The following GRXCR1 variants were observed in gnomAD, a reference collection of about 807,000 sequenced individuals.
GRXCR1 encodes the protein glutaredoxin domain-containing cysteine-rich protein 1.
In GRXCR1, 27 loss-of-function variants were observed where a neutral mutation model predicts 27.3. The ratio of observed to expected loss-of-function variants is 0.99; its 90% CI spans 0.73 to 1.37. The LOEUF (loss-of-function observed/expected upper bound fraction) is 1.37. Ranked by LOEUF, GRXCR1 falls within the 40% of genes most tolerant of loss-of-function variation. The pLI is 0.00. For synonymous variants in GRXCR1, 122 were observed against 131.1 expected, an observed-to-expected ratio of 0.93 and a Z score of 0.47; for missense variants, 379 against 354.4, an observed-to-expected ratio of 1.07 and a Z score of -0.56.
intron 1 of GRXCR1, among the ~76,000 whole-genome samples, chr4:42,944,706 A>AG (rs1385910977): frequency 6.6e-6 from 1 of 152,136 alleles, no homozygotes; most frequent in Non-Finnish European, 1.5e-5. Context: ...AGAAGTCAAG[A>AG]GGAAGGAGCT....
chr4:42,923,217 T>A (rs745611825), intron 1 of GRXCR1, among the ~76,000 whole-genome samples: 2 of 152,122 alleles, frequency 1.3e-5, no homozygotes, highest in African/African-American at 4.8e-5. Flanking sequence ...GCCTACTCAA[T>A]GGTCCTCTGT....
At chr4:43,019,000 T>A (rs1713016778) in intron 2 of GRXCR1, among the ~76,000 whole-genome samples, 1 of 152,172 alleles carries the variant, frequency 6.6e-6, no homozygotes, top group Admixed American at 6.5e-5. Context: ...CAGTTTGACA[T>A]TTTTTATGGT....
chr4:42,903,118 C>T (rs1746498987), intron 1 of GRXCR1, among the ~76,000 whole-genome samples: 1 of 151,988 alleles, frequency 6.6e-6, no homozygotes, highest in African/African-American at 2.4e-5. Context: ...TGAAGATTTG[C>T]CTCTCTCAGT....
chr4:43,008,393 C>T (rs890525727), intron 2 of GRXCR1, among the ~76,000 whole-genome samples: 1 of 152,122 alleles, frequency 6.6e-6, no homozygotes, highest in Non-Finnish European at 1.5e-5. Context: ...AGGAGATGCA[C>T]AGGTCAGAAG....
chr4:42,935,801 G>A (rs909580758), intron 1 of GRXCR1, among the ~76,000 whole-genome samples: 1 of 151,802 alleles, frequency 6.6e-6, no homozygotes, highest in Non-Finnish European at 1.5e-5. Context: ...TTTATTACTT[G>A]GAAGTCTAGT....
At chr4:42,969,401 C>T (rs181025936) in intron 2 of GRXCR1, among the ~76,000 whole-genome samples, 44 of 152,208 alleles carry the variant, frequency 2.9e-4, no homozygotes, top group African/African-American at 9.4e-4. Context: ...ACTCACAGTC[C>T]TGCAGGCTTA....
At chr4:42,960,636 A>T (rs1230082191) in intron 1 of GRXCR1, among the ~76,000 whole-genome samples, 2 of 151,422 alleles carry the variant, frequency 1.3e-5, no homozygotes, top group African/African-American at 4.9e-5. Context: ...CAAGTCCTAC[A>T]CTTGTGTTTT....
chr4:43,030,564 C>A lies in GRXCR1; in HGVS notation c.*24C>A, dbSNP rs766943202. On this transcript the variant is annotated 3_prime_UTR_variant, in exon 4 of 4. Transcript: ENST00000399770. ...AATTGGAGCTTCTACCCAGGAAAAA[C>A]CTCATTTTATTAATCAAAGGCAATA... 7 of 1,601,618 alleles carry A rather than the reference C, an allele frequency of 4.4e-6. No homozygotes were observed. In the African/African-American group the frequency reaches 5.4e-5, roughly 12 times the overall value.
intron 2 of GRXCR1, among the ~76,000 whole-genome samples, chr4:43,002,715 T>C (rs1159932270): frequency 6.6e-6 from 1 of 151,296 alleles, no homozygotes; most frequent in Non-Finnish European, 1.5e-5. Context: ...AATGCTATGC[T>C]TTTTCCTTCT....
intron 2 of GRXCR1, among the ~76,000 whole-genome samples, chr4:42,982,371 CA>C (rs1748696520): frequency 1.5e-5 from 2 of 134,872 alleles, no homozygotes; most frequent in South Asian, 5.3e-4. Context: ...CATGTCCCTA[CA>C]AAGGACATGA....
At chr4:43,011,674 G>A (rs764226885) in intron 2 of GRXCR1, among the ~76,000 whole-genome samples, 8 of 152,020 alleles carry the variant, frequency 5.3e-5, no homozygotes, top group Non-Finnish European at 8.8e-5. Context: ...GATAAACCGG[G>A]TTATCATCAT....
chr4:42,951,520 C>T (rs36077671), intron 1 of GRXCR1, among the ~76,000 whole-genome samples: 4,938 of 152,240 alleles, frequency 0.032, 90 homozygotes, highest in African/African-American at 0.048. Flanking sequence ...GTCTTAGTTT[C>T]CTCTGATATA....
chr4:42,901,713 A>C (rs1746464924), intron 1 of GRXCR1, among the ~76,000 whole-genome samples: 1 of 152,194 alleles, frequency 6.6e-6, no homozygotes. Context: ...TATTTTGTAC[A>C]TGAAAAGACT....
In GRXCR1 at chr4:43,030,628, T is replaced by C. The variant is rs978921906; in HGVS notation, c.*88T>C. 5 of 1,041,726 alleles carry C rather than the reference T, an allele frequency of 4.8e-6. No individual in the cohort carries two copies. The African/African-American group carries it at 8.1e-5, about 17-fold the overall frequency. The allele number at this position is 1,041,726 out of a possible 1,614,324, so 64.5% of individuals were successfully genotyped here. On this transcript the variant is annotated 3_prime_UTR_variant, in exon 4 of 4. Transcript: ENST00000399770. ...ATATATTTTTAAATGGTTATGTTTA[T>C]GGATTAATCAATAAACTTTGTTTAT...
At chr4:42,900,168 C>A (rs1577897257) in intron 1 of GRXCR1, among the ~76,000 whole-genome samples, 1 of 152,100 alleles carries the variant, frequency 6.6e-6, no homozygotes, top group East Asian at 1.9e-4. Flanking sequence ...AGTCTATACA[C>A]TGACACAGCA....
At chr4:43,020,503 C>T (rs1713060417) in intron 3 of GRXCR1, 84 bp downstream of exon 3, 1 of 864,224 alleles carries the variant, frequency 1.2e-6, no homozygotes, top group Admixed American at 1.8e-5. Flanking sequence ...TAATTGAATT[C>T]TCTCTCCCCA....
intron 2 of GRXCR1, among the ~76,000 whole-genome samples, chr4:42,987,542 C>A (rs1171797464): frequency 1.3e-5 from 2 of 151,796 alleles, no homozygotes; most frequent in South Asian, 2.1e-4. Flanking sequence ...CTTAGCCTCC[C>A]AAAGTGTTAG....
intron 2 of GRXCR1, among the ~76,000 whole-genome samples, chr4:42,983,847 T>C (rs1711574648): frequency 6.6e-6 from 1 of 151,340 alleles, no homozygotes; most frequent in Non-Finnish European, 1.5e-5. Flanking sequence ...TCTTTTTTTT[T>C]TTTTTTCAGA....
At chr4:42,926,850 C>T (rs1183256176) in intron 1 of GRXCR1, among the ~76,000 whole-genome samples, 8 of 152,056 alleles carry the variant, frequency 5.3e-5, no homozygotes, top group Admixed American at 2.6e-4. Flanking sequence ...GTTTTCTTTT[C>T]GTTTCTCCTG....
Sources: gnomAD v4.1 joint callset for allele counts (sites outside exome capture counted in the v4.1 genomes callset) on GRCh38, gnomAD v4.1.1 for gene constraint, MANE v1.5 for transcripts, NCBI Gene and HGNC (gene_info 2026-07-23, HGNC 2026-07-21) for gene names.